NRXN3: variants seen among roughly 807,000 people sequenced by gnomAD.
The protein encoded by NRXN3 is neurexin 3.
A neutral mutation model predicts 137.6 loss-of-function variants in NRXN3; 32 were observed. The observed-to-expected ratio is 0.23, with a 90% confidence interval of 0.18 to 0.31. The LOEUF (loss-of-function observed/expected upper bound fraction) is 0.31, where lower values mean the gene tolerates loss of function less well. Ranked by LOEUF, NRXN3 falls within the 10% of genes least tolerant of loss-of-function variation. The pLI is 1.00. For synonymous variants in NRXN3, 798 were observed against 784.5 expected (o/e 1.02, Z -0.29); for missense variants, 1,574 against 2,062.5 (o/e 0.76, Z 4.59).
At chr14:78,965,933 T>C in intron 11 of NRXN3, 92 bp from the exon 12 acceptor site, 3 of 1,384,630 alleles carry the variant, frequency 2.2e-6, no homozygotes, top group Non-Finnish European at 3.0e-6. Context: ...ATATTCTGTG[T>C]GGAAACAGGT....
intron 6 of NRXN3, among the ~76,000 whole-genome samples, chr14:78,676,973 C>A (rs974368856): frequency 5.3e-5 from 8 of 152,130 alleles, no homozygotes; most frequent in Admixed American, 4.6e-4. Flanking sequence ...TTGAGACCTA[C>A]TACTCAGAAA....
In NRXN3 at chr14:79,666,564, G is replaced by A. The variant is rs532755564; in HGVS notation, c.3616+2615G>A. Among the ~76,000 whole-genome samples the A allele has an allele frequency of 3.9e-5, 6 of 152,110 alleles. No homozygotes were observed. The East Asian group carries it at 1.2e-3, about 30-fold the overall frequency. ...GCTATGCCCTTCCTAAGGTCACATA[G>A]CAAGTGAAGGAAGACCTAGGACAAG... On this transcript the variant is annotated intron_variant, in intron 17 of 20. Transcript: ENST00000335750.
intron 1 of NRXN3, among the ~76,000 whole-genome samples, chr14:78,195,800 A>G (rs1368997153): frequency 6.6e-6 from 1 of 152,214 alleles, no homozygotes; most frequent in Admixed American, 6.5e-5. Flanking sequence ...GTCCAAACCC[A>G]TGGTTTTTCT....
At chr14:79,575,792 G>A (rs1205714103) in intron 16 of NRXN3, among the ~76,000 whole-genome samples, 1 of 152,156 alleles carries the variant, frequency 6.6e-6, no homozygotes, top group Non-Finnish European at 1.5e-5. Flanking sequence ...AAATCGGGGA[G>A]GGTGCTCCTG....
chr14:78,212,613 G>A (rs973356888), intron 1 of NRXN3, among the ~76,000 whole-genome samples: 26 of 152,268 alleles, frequency 1.7e-4, no homozygotes, highest in African/African-American at 6.0e-4. Flanking sequence ...TGTCTTCAGG[G>A]CAAAAGTGAT....
intron 1 of NRXN3, among the ~76,000 whole-genome samples, chr14:78,239,633 T>G (rs192151621): frequency 1.3e-5 from 2 of 152,216 alleles, no homozygotes; most frequent in East Asian, 3.9e-4. Context: ...CATTGACTAT[T>G]ATTTCTGGAA....
chr14:78,975,772 G>A (rs1307515551), intron 14 of NRXN3, among the ~76,000 whole-genome samples: 4 of 152,136 alleles, frequency 2.6e-5, no homozygotes, highest in African/African-American at 9.7e-5. Flanking sequence ...TCTTTCTCCT[G>A]TTTGCTGCAC....
chr14:79,155,980 A>G (rs1232991306), intron 15 of NRXN3, among the ~76,000 whole-genome samples: 1 of 151,848 alleles, frequency 6.6e-6, no homozygotes, highest in Non-Finnish European at 1.5e-5. Context: ...ATTTCTGGGA[A>G]GTTATATCTT....
intron 10 of NRXN3, among the ~76,000 whole-genome samples, chr14:78,919,129 T>C (rs1208427145): frequency 6.6e-6 from 1 of 152,194 alleles, no homozygotes; most frequent in Non-Finnish European, 1.5e-5. Context: ...ACTATTTGTT[T>C]TCCATCACTA....
chr14:78,960,177 C>G (rs985312842), intron 11 of NRXN3, among the ~76,000 whole-genome samples: 2 of 152,064 alleles, frequency 1.3e-5, no homozygotes, highest in Non-Finnish European at 2.9e-5. Flanking sequence ...CCCCCAACCC[C>G]CCGAACTTCA....
In NRXN3 at chr14:79,130,966, C is replaced by G. The variant is rs546248625; in HGVS notation, c.3262+142825C>G. On this transcript the variant is annotated intron_variant, in intron 15 of 20. Coordinates refer to ENST00000335750, the MANE Select transcript of NRXN3 (RefSeq NM_001330195.2). Reference sequence around the variant, plus strand: ...GCTGATACCCTTTCTTCCAGTTGATCGCATCGGCTCCTGAGGCTTCTGCAT... The same window carrying G: ...GCTGATACCCTTTCTTCCAGTTGATGGCATCGGCTCCTGAGGCTTCTGCAT... Among the ~76,000 whole-genome samples, 541 of 152,238 alleles carry G rather than the reference C, an allele frequency of 3.6e-3. 2 individuals carry two copies. Among genetic ancestry groups the G allele is most frequent in the African/African-American group, 0.012 (512 of 41,538 alleles).
chr14:78,996,224 G>C (rs538834717), intron 15 of NRXN3, among the ~76,000 whole-genome samples: 1 of 152,102 alleles, frequency 6.6e-6, no homozygotes, highest in East Asian at 1.9e-4. Context: ...TTAACAGTGT[G>C]CCCCAATGTG....
chr14:79,666,157 A>G (rs1438535667), intron 17 of NRXN3, among the ~76,000 whole-genome samples: 3 of 152,112 alleles, frequency 2.0e-5, no homozygotes, highest in Non-Finnish European at 4.4e-5. Context: ...TTCTCCTCTG[A>G]TGATTTCTGT....
At chr14:78,330,081 A>G (rs1381638574) in intron 4 of NRXN3, among the ~76,000 whole-genome samples, 1 of 152,168 alleles carries the variant, frequency 6.6e-6, no homozygotes, top group African/African-American at 2.4e-5. Context: ...TGATTTCTTT[A>G]TACGGTAGGG....
intron 8 of NRXN3, among the ~76,000 whole-genome samples, chr14:78,726,959 T>TAAAAAAAAAAAAAAAAA (rs55802240): frequency 8.3e-6 from 1 of 121,006 alleles, no homozygotes; most frequent in Non-Finnish European, 1.7e-5. Flanking sequence ...ATTTATTCAC[T>TAAAAAAAAAAAAAAAAA]AAAAAAAAAA....
At chr14:78,848,025 C>A (rs2099032376) in intron 10 of NRXN3, among the ~76,000 whole-genome samples, 1 of 152,100 alleles carries the variant, frequency 6.6e-6, no homozygotes, top group Admixed American at 6.6e-5. Context: ...CCCCCGGCCT[C>A]TGGCTAAGAA....
chr14:78,206,900 G>A (rs972922744), intron 1 of NRXN3, among the ~76,000 whole-genome samples: 5 of 151,820 alleles, frequency 3.3e-5, no homozygotes, highest in Admixed American at 2.0e-4. Context: ...GTCTTGCTCT[G>A]TTGCCCAGGC....
intron 4 of NRXN3, among the ~76,000 whole-genome samples, chr14:78,568,961 G>GTTTTTTTTTTTTTTTTTTTT (rs34485878): frequency 1.9e-5 from 2 of 103,748 alleles, no homozygotes; most frequent in African/African-American, 8.2e-5. Flanking sequence ...GACTTTGCAG[G>GTTTTTTTTTTTTTTTTTTTT]TTTTTTTTTT....
intron 17 of NRXN3, among the ~76,000 whole-genome samples, chr14:79,690,330 C>T (rs17109764): frequency 0.068 from 10,337 of 152,126 alleles, 388 homozygotes; most frequent in South Asian, 0.097. Flanking sequence ...GATCTCTAAT[C>T]GATAGCTATA....
Sources: allele counts gnomAD v4.1 joint callset (sites outside exome capture counted in the v4.1 genomes callset), GRCh38; gene constraint gnomAD v4.1.1; transcripts MANE v1.5; gene names NCBI Gene and HGNC (gene_info 2026-07-23, HGNC 2026-07-21).